COX7B2: variants seen among roughly 807,000 people sequenced by gnomAD.
COX7B2 encodes cytochrome c oxidase subunit 7B2, mitochondrial.
For missense variants in COX7B2, 109 were observed against 95.9 expected (o/e 1.14, Z -0.57); for synonymous variants, 37 against 32.1 (o/e 1.15, Z -0.51).
chr4:46,795,804 T>C (rs1346680081), intron 2 of COX7B2, among the ~76,000 whole-genome samples: 1 of 17,978 alleles, frequency 5.6e-5, no homozygotes, highest in Non-Finnish European at 1.1e-4. Flanking sequence ...ATGGCCATTT[T>C]CACGATATTG....
chr4:46,859,078 T>C (rs1388528847), intron 1 of COX7B2, among the ~76,000 whole-genome samples: 1 of 152,098 alleles, frequency 6.6e-6, no homozygotes, highest in Non-Finnish European at 1.5e-5. Flanking sequence ...TGTGGATGAG[T>C]ATGAGGAAGA....
At chr4:46,847,797 A>G (rs1197331144) in intron 1 of COX7B2, among the ~76,000 whole-genome samples, 1 of 152,034 alleles carries the variant, frequency 6.6e-6, no homozygotes, top group East Asian at 1.9e-4. Context: ...AGAGAGGAAT[A>G]GACAAAAATG....
intron 1 of COX7B2, among the ~76,000 whole-genome samples, chr4:46,880,218 T>C (rs1337816582): frequency 1.3e-5 from 2 of 152,112 alleles, no homozygotes. Flanking sequence ...ACATAAAAAA[T>C]ACTGGTCTGA....
rs6817994 is a variant in COX7B2 at position 46,854,647 on chromosome 4, T to C, written c.-104-9633A>G. Among the ~76,000 whole-genome samples, 550 of 152,234 alleles carry C rather than the reference T, an allele frequency of 3.6e-3. 2 individuals are homozygous for C. Among genetic ancestry groups the C allele is most frequent in the African/African-American group, 0.012 (517 of 41,552 alleles). The stretch of plus-strand genomic sequence containing the variant: ...TGGGAAAGAAGTGAATAAATGGCAA[T>C]AGTATCAGGAACAAAATCTGGCAGC... On this transcript the variant is annotated intron_variant, in intron 1 of 2. Coordinates refer to ENST00000355591, the MANE Select transcript of COX7B2 (RefSeq NM_130902.3).
chr4:46,806,729 T>C (rs1004665735), intron 2 of COX7B2, among the ~76,000 whole-genome samples: 1 of 152,092 alleles, frequency 6.6e-6, no homozygotes. Flanking sequence ...TCTGTTTTTT[T>C]ATCTCTGTGA....
intron 2 of COX7B2, among the ~76,000 whole-genome samples, chr4:46,741,088 T>A (rs1472720901): frequency 6.6e-6 from 1 of 152,098 alleles, no homozygotes; most frequent in Admixed American, 6.6e-5. Flanking sequence ...CTGTATCCAG[T>A]CTAAGTAAGT....
intron 1 of COX7B2, among the ~76,000 whole-genome samples, chr4:46,895,505 G>C (rs548164800): frequency 1.1e-4 from 16 of 152,118 alleles, no homozygotes; most frequent in Non-Finnish European, 1.8e-4. Context: ...GAGAGTAAGA[G>C]GAAGAAGAAG....
intron 2 of COX7B2, among the ~76,000 whole-genome samples, chr4:46,753,743 G>A (rs112144426): frequency 6.6e-6 from 1 of 151,176 alleles, no homozygotes; most frequent in East Asian, 2.0e-4. Context: ...AGCTTCTGCA[G>A]AGCAAAAGAA....
intron 2 of COX7B2, among the ~76,000 whole-genome samples, chr4:46,835,457 T>C (rs1478825267): frequency 6.6e-6 from 1 of 151,076 alleles, no homozygotes; most frequent in Non-Finnish European, 1.5e-5. Flanking sequence ...CACACACACA[T>C]GTTAATAAGG....
chr4:46,770,218 GA>G (rs1220930237), intron 2 of COX7B2, among the ~76,000 whole-genome samples: 1 of 151,834 alleles, frequency 6.6e-6, no homozygotes, highest in Non-Finnish European at 1.5e-5. Context: ...GCTTGAAAAA[GA>G]ATCCAGAACT....
rs376155950 is a variant in COX7B2, at chr4:46,909,173, G to C, written c.-118C>G. 6.6e-6 allele frequency: 1 copy of C among 152,198 alleles called. No individual in the cohort carries two copies. Among genetic ancestry groups the C allele is most frequent in the Admixed American group, 6.6e-5 (1 of 15,264 alleles). 9.4% of individuals were successfully genotyped at this position (152,198 alleles called of 1,614,324 possible). On this transcript the variant is annotated 5_prime_UTR_variant, in exon 1 of 3. Coordinates refer to ENST00000355591, the MANE Select transcript of COX7B2 (RefSeq NM_130902.3). ...AGACAAACTTACCAAGGACGTCACAGGTAACAGGCAAAAAAAGACGGCGCA... is the reference window on the plus strand; with the variant it reads ...AGACAAACTTACCAAGGACGTCACACGTAACAGGCAAAAAAAGACGGCGCA...
chr4:46,894,191 G>A (rs1014810620), intron 1 of COX7B2, among the ~76,000 whole-genome samples: 7 of 151,936 alleles, frequency 4.6e-5, no homozygotes, highest in Non-Finnish European at 5.9e-5. Flanking sequence ...ACCAAAAGAC[G>A]GCCTGAATAG....
At chr4:46,835,811 G>C (rs1056568429) in intron 2 of COX7B2, among the ~76,000 whole-genome samples, 1 of 152,136 alleles carries the variant, frequency 6.6e-6, no homozygotes, top group Non-Finnish European at 1.5e-5. Context: ...ATCATAAAGT[G>C]TATTTACACA....
intron 2 of COX7B2, among the ~76,000 whole-genome samples, chr4:46,753,865 A>T (rs1715572516): frequency 6.6e-6 from 1 of 152,216 alleles, no homozygotes; most frequent in Admixed American, 6.5e-5. Context: ...CAAATTTACA[A>T]GAAATAAACA....
At chr4:46,786,636 T>C (rs1355602889) in intron 2 of COX7B2, among the ~76,000 whole-genome samples, 1 of 152,192 alleles carries the variant, frequency 6.6e-6, no homozygotes, top group African/African-American at 2.4e-5. Flanking sequence ...TAATCTAGCT[T>C]TGCAATTCTT....
At chr4:46,846,408 G>T (rs561957321) in intron 1 of COX7B2, among the ~76,000 whole-genome samples, 1 of 152,036 alleles carries the variant, frequency 6.6e-6, no homozygotes, top group African/African-American at 2.4e-5. Context: ...AGGGAGAGCA[G>T]TATAAAGGAC....
Position 46,787,214 on chromosome 4 carries a change from G to A in COX7B2, c.-49-51973C>T, listed in dbSNP as rs184320042. ...TGTAATCCCAGCACTTTGGGAAGTC[G>A]AGGCGGGCAGATCACCTAAGGTCGG... On this transcript the variant is annotated intron_variant, in intron 2 of 2. Coordinates refer to ENST00000355591, the MANE Select transcript of COX7B2 (RefSeq NM_130902.3). Among the ~76,000 whole-genome samples the A allele has an allele frequency of 6.2e-3, 941 of 152,276 alleles. 7 individuals carry two copies. The highest frequency in any genetic ancestry group is 0.01 in the Middle Eastern group (3 of 292).
intron 2 of COX7B2, among the ~76,000 whole-genome samples, chr4:46,828,372 A>C (rs1309436916): frequency 1.3e-5 from 2 of 152,202 alleles, no homozygotes; most frequent in Non-Finnish European, 2.9e-5. Context: ...AGTTCAAATT[A>C]TGAGTTTTCA....
chr4:46,852,463 C>A (rs1485358947), intron 1 of COX7B2, among the ~76,000 whole-genome samples: 3 of 150,148 alleles, frequency 2.0e-5, no homozygotes, highest in African/African-American at 7.5e-5. Context: ...TGTTTAAGGA[C>A]CAAAGTCTAG....
Sources: gnomAD v4.1 joint callset for allele counts (sites outside exome capture counted in the v4.1 genomes callset) on GRCh38, gnomAD v4.1.1 for gene constraint, MANE v1.5 for transcripts, NCBI Gene and HGNC (gene_info 2026-07-23, HGNC 2026-07-21) for gene names.